Variants in CHCHD3 observed in about 807,000 individuals in gnomAD.
CHCHD3 encodes the protein coiled-coil-helix-coiled-coil-helix domain containing 3.
Under a neutral mutation model 38.2 loss-of-function variants are expected in CHCHD3, and 20 were observed. That is an observed-to-expected ratio of 0.52 (90% CI 0.37 to 0.76). CHCHD3 has a LOEUF of 0.76. Among genes scored for constraint, CHCHD3 ranks in the 30% least tolerant of loss-of-function variants. CHCHD3 has a pLI of 0.00. For missense variants in CHCHD3, 245 were observed against 279.2 expected, an observed-to-expected ratio of 0.88 and a Z score of 0.87; for synonymous variants, 82 against 100.0, an observed-to-expected ratio of 0.82 and a Z score of 1.07.
intron 2 of CHCHD3, among the ~76,000 whole-genome samples, chr7:133,025,688 T>C (rs576313969): frequency 1.3e-5 from 2 of 152,304 alleles, no homozygotes; most frequent in South Asian, 2.1e-4. Flanking sequence ...GTATTTTTAG[T>C]AGAGATGGCG....
intron 2 of CHCHD3, among the ~76,000 whole-genome samples, chr7:133,026,769 G>C (rs1211847514): frequency 6.6e-6 from 1 of 152,122 alleles, no homozygotes; most frequent in Admixed American, 6.5e-5. Context: ...AAAGAAGTCA[G>C]ACATGAAAGG....
At chr7:132,998,786 T>C (rs1419556755) in intron 3 of CHCHD3, among the ~76,000 whole-genome samples, 1 of 152,146 alleles carries the variant, frequency 6.6e-6, no homozygotes, top group Non-Finnish European at 1.5e-5. Flanking sequence ...ATCTAAAATA[T>C]CACACAGCAA....
In CHCHD3 at chr7:133,003,077, C is replaced by A. The variant is rs1434377385; in HGVS notation, c.251+21469G>T. ...ATGTAAGCAGCCAAGGAGGTCAATT[C>A]GGATAGTTTATGAAAAATAAATCCT... On this transcript the variant is annotated intron_variant, in intron 3 of 7. Transcript: ENST00000262570. Among the ~76,000 whole-genome samples the A allele has an allele frequency of 2.0e-5, 3 of 151,992 alleles. No individual in the cohort carries two copies. The East Asian group carries it at 5.8e-4, about 29-fold the overall frequency.
chr7:132,945,725 T>C (rs530383028), intron 4 of CHCHD3, among the ~76,000 whole-genome samples: 13 of 152,082 alleles, frequency 8.5e-5, no homozygotes, highest in Non-Finnish European at 1.6e-4. Context: ...CTAAGATACT[T>C]AGATAAATCT....
At chr7:132,878,000 G>A (rs1188984866) in intron 5 of CHCHD3, among the ~76,000 whole-genome samples, 2 of 152,080 alleles carry the variant, frequency 1.3e-5, no homozygotes, top group East Asian at 1.9e-4. Flanking sequence ...TAGAAAGCAC[G>A]TCGCAGGGGG....
At chr7:132,849,304 C>G (rs915101402) in intron 5 of CHCHD3, 4 of 152,190 alleles carry the variant, frequency 2.6e-5, no homozygotes, top group Non-Finnish European at 4.4e-5. Context: ...TGGATTCAAA[C>G]TGCATCTCCA....
At chr7:132,860,261 G>C (rs188149856) in intron 5 of CHCHD3, among the ~76,000 whole-genome samples, 1 of 151,540 alleles carries the variant, frequency 6.6e-6, no homozygotes. Context: ...AGTGAGACTC[G>C]ATCTCAAAAA....
At chr7:133,074,397 T>G (rs1051148498) in intron 1 of CHCHD3, among the ~76,000 whole-genome samples, 1 of 152,192 alleles carries the variant, frequency 6.6e-6, no homozygotes, top group African/African-American at 2.4e-5. Context: ...ACTTTCTATT[T>G]GAAAATGCCA....
chr7:132,986,867 C>G (rs78332563), intron 3 of CHCHD3, among the ~76,000 whole-genome samples: 2,847 of 152,274 alleles, frequency 0.019, 104 homozygotes, highest in African/African-American at 0.064. Context: ...GAGTTTATGG[C>G]ACAATTGTCC....
intron 5 of CHCHD3, among the ~76,000 whole-genome samples, chr7:132,876,940 T>C (rs1020082320): frequency 1.3e-5 from 2 of 152,278 alleles, no homozygotes; most frequent in East Asian, 3.9e-4. Flanking sequence ...GCAGGATGGA[T>C]AATGCTATTT....
intron 4 of CHCHD3, among the ~76,000 whole-genome samples, chr7:132,947,509 A>G (rs1810927828): frequency 6.6e-6 from 1 of 152,040 alleles, no homozygotes; most frequent in Non-Finnish European, 1.5e-5. Flanking sequence ...AAGGAAATAC[A>G]GAAATGAAAA....
rs1294891072 is a variant in CHCHD3 at position 133,081,915 on chromosome 7, C to T, written c.23G>A (p.Arg8His). 2.6e-6 allele frequency: 4 copies of T among 1,557,118 alleles called. No homozygotes were observed. The South Asian group carries it at 4.7e-5, about 18-fold the overall frequency. ...CTCGTCCGCCTCGAAGGTGACCCGG[C>T]GGGTGCTGGTGGTCCCACCCATGAT... The part of the protein sequence containing the change: MGGTTST[R>H]RVTFEADENE... The change falls in exon 1 of 8, where the codon CGC (arginine) becomes CAC (histidine). Residue 8 changes from arginine (R) to histidine (H), a missense_variant. Coordinates refer to ENST00000262570, the MANE Select transcript of CHCHD3 (RefSeq NM_017812.4).
intron 4 of CHCHD3, chr7:132,887,081 T>TG (rs1809236777): frequency 3.3e-6 from 2 of 612,608 alleles, no homozygotes; most frequent in Non-Finnish European, 4.7e-6. Context: ...TGATGGATAA[T>TG]ATTTAAAATG....
At chr7:132,966,672 A>C (rs548387126) in intron 4 of CHCHD3, among the ~76,000 whole-genome samples, 1 of 152,360 alleles carries the variant, frequency 6.6e-6, no homozygotes, top group East Asian at 1.9e-4. Flanking sequence ...CTGTATCAGA[A>C]CTGACAGTTG....
intron 5 of CHCHD3, among the ~76,000 whole-genome samples, chr7:132,851,208 C>T (rs1808211836): frequency 6.6e-6 from 1 of 152,096 alleles, no homozygotes; most frequent in Admixed American, 6.5e-5. Flanking sequence ...TCTTTTATAG[C>T]CTTCTATAAC....
rs56249387 is a variant in CHCHD3, at chr7:132,999,183, G to A, written c.252-23897C>T. Among the ~76,000 whole-genome samples, 342 of 152,164 alleles carry A rather than the reference G, an allele frequency of 2.2e-3. 2 individuals carry two copies. The highest frequency in any genetic ancestry group is 7.0e-3 in the African/African-American group (289 of 41,516). On this transcript the variant is annotated intron_variant, in intron 3 of 7. Coordinates refer to ENST00000262570, the MANE Select transcript of CHCHD3 (RefSeq NM_017812.4). ...CAATATTTATCTGCATTTCCAGTTC[G>A]CAATGGCCATTTCAACAATCACTAA...
intron 1 of CHCHD3, among the ~76,000 whole-genome samples, chr7:133,077,475 C>A (rs575495299): frequency 1.3e-5 from 2 of 152,352 alleles, no homozygotes; most frequent in South Asian, 2.1e-4. Context: ...TGAATTTCAG[C>A]TTGCAACTTT....
chr7:133,039,600 T>G (rs1413021470), intron 2 of CHCHD3, among the ~76,000 whole-genome samples: 1 of 152,270 alleles, frequency 6.6e-6, no homozygotes, highest in Non-Finnish European at 1.5e-5. Flanking sequence ...GCCAACATTT[T>G]CCGCACTTGA....
intron 5 of CHCHD3, among the ~76,000 whole-genome samples, chr7:132,843,252 A>G (rs139353725): frequency 4.7e-4 from 71 of 152,100 alleles, no homozygotes; most frequent in African/African-American, 1.6e-3. Flanking sequence ...CACCTGCTTC[A>G]GAGTCACTTA....
Sources: gnomAD v4.1 joint callset for allele counts (sites outside exome capture counted in the v4.1 genomes callset) on GRCh38, gnomAD v4.1.1 for gene constraint, MANE v1.5 for transcripts, NCBI Gene and HGNC (gene_info 2026-07-23, HGNC 2026-07-21) for gene names.